The following HDLBP variants were observed in gnomAD, a reference collection of about 807,000 sequenced individuals.
The protein encoded by HDLBP is vigilin.
HDLBP carries 30 observed loss-of-function variants against 137.3 expected under a neutral mutation model. The ratio of observed to expected loss-of-function variants is 0.22; its 90% confidence interval spans 0.16 to 0.30. The LOEUF (loss-of-function observed/expected upper bound fraction) is 0.30, where lower values mean the gene tolerates loss of function less well. Among genes scored for constraint, HDLBP ranks in the 10% least tolerant of loss-of-function variants. The pLI, the probability that HDLBP is intolerant of heterozygous loss-of-function variation, is 1.00. For missense variants in HDLBP, 1,119 were observed against 1,667.3 expected (o/e 0.67, Z 5.73); for synonymous variants, 606 against 596.0 (o/e 1.02, Z -0.24).
rs770255776 is a variant in HDLBP, at chr2:241,248,098, C to G, written c.1636G>C (p.Asp546His). The G allele has an allele frequency of 6.2e-7, 1 of 1,614,030 alleles. No individual in the cohort carries two copies. Reference sequence around the variant, plus strand: ...ACAATGTCACTTTTTTGTGCTGGGTCTGGAAAGTTAATGATGACCTAGAAC... The same window carrying G: ...ACAATGTCACTTTTTTGTGCTGGGTGTGGAAAGTTAATGATGACCTAGAAC... ...KFPEVIINFP[D>H]PAQKSDIVQL... is the part of the protein sequence containing the mutation. The change falls in exon 14 of 28, where the codon GAC (aspartate) becomes CAC (histidine). Residue 546 changes from aspartate to histidine, a missense_variant. By Grantham distance (81) the Asp-to-His change is moderately conservative (BLOSUM62 -1). Around this residue, in one of 4 missense-constraint regions of HDLBP, gnomAD observed 425 missense variants for 693.9 expected, o/e 0.61. Coordinates refer to ENST00000310931, the MANE Select transcript of HDLBP (RefSeq NM_005336.6).
intron 1 of HDLBP, chr2:241,273,372 C>G (rs2074259401): frequency 1.8e-6 from 1 of 550,844 alleles, no homozygotes; most frequent in African/African-American, 2.0e-5. Flanking sequence ...ATGTAAAATC[C>G]CCTTCCTTTA....
intron 1 of HDLBP, among the ~76,000 whole-genome samples, chr2:241,270,702 C>A (rs2073979514): frequency 1.3e-5 from 2 of 152,184 alleles, no homozygotes; most frequent in Admixed American, 1.3e-4. Context: ...CCATGTCCAC[C>A]CCGCACTGCT....
intron 5 of HDLBP, among the ~76,000 whole-genome samples, chr2:241,258,215 C>G (rs1049185060): frequency 6.6e-6 from 1 of 151,982 alleles, no homozygotes; most frequent in Non-Finnish European, 1.5e-5. Context: ...AGCATGGTGG[C>G]AGGCGCCTGT....
intron 1 of HDLBP, among the ~76,000 whole-genome samples, chr2:241,297,247 T>C (rs2075212973): frequency 6.6e-6 from 1 of 151,914 alleles, no homozygotes; most frequent in Non-Finnish European, 1.5e-5. Flanking sequence ...CTGAGTGAGA[T>C]GAGGAGGCAG....
At chr2:241,290,810 C>A (rs905998044) in intron 1 of HDLBP, among the ~76,000 whole-genome samples, 9 of 152,112 alleles carry the variant, frequency 5.9e-5, no homozygotes, top group East Asian at 1.9e-4. Context: ...GTCAGAGCGG[C>A]GGCCTAAGCA....
chr2:241,272,658 G>T lies in HDLBP; in HGVS notation c.-102-4117C>A. On this transcript the variant is annotated intron_variant, in intron 1 of 27. Coordinates refer to ENST00000310931, the MANE Select transcript of HDLBP (RefSeq NM_005336.6). The surrounding 1 kb of genome is among the most constrained non-coding windows in gnomAD (Gnocchi z 5.6). ...GCGGCACCCGGGCCCCTCCCCCTCC[G>T]CGGCCTCCACGTCAGCAGCCACCCC... The T allele has an allele frequency of 1.1e-6, 1 of 896,368 alleles. No individual in the cohort carries two copies. The highest frequency in any genetic ancestry group is 1.3e-6 in the Non-Finnish European group (1 of 771,076). 55.5% of individuals were successfully genotyped at this position (896,368 alleles called of 1,614,324 possible). A position where few individuals can be genotyped will look rare whatever the true frequency, so the allele number is the denominator to read the frequency against.
At position 241,230,718 on chromosome 2, in the gene HDLBP, T is replaced by G; in HGVS notation, c.3474+41A>C. ...CTTCTGGCCAGCCAGGTGCCCCCGG[T>G]GAGAGAGGATTCTCACCCACTGTGC... On this transcript the variant is annotated intron_variant, in intron 25 of 27. Transcript: ENST00000310931. The surrounding 1 kb of genome is among the most constrained non-coding windows in gnomAD (Gnocchi z 5.0). 1.3e-5 allele frequency: 21 copies of G among 1,583,890 alleles called. No individual in the cohort carries two copies. The highest frequency in any genetic ancestry group is 1.8e-5 in the Non-Finnish European group (21 of 1,154,440).
intron 11 of HDLBP, chr2:241,250,849 A>C (rs2072083725): frequency 6.6e-6 from 1 of 152,212 alleles, no homozygotes; most frequent in African/African-American, 2.4e-5. Flanking sequence ...TTACGAAAGA[A>C]GACAAGAGTT....
rs148694594 is a variant in HDLBP at position 241,243,133 on chromosome 2, C to T, written c.1951-455G>A. 5.9e-5 allele frequency among the ~76,000 whole-genome samples: 9 copies of T among 152,248 alleles called. No homozygotes were observed. In the South Asian group the frequency reaches 8.3e-4, roughly 14 times the overall value. ...GTACCAGGGACTGGACTGAACTTACCGCCTAATGGTGACTTTCAAGACCCT... is the reference window on the plus strand; with the variant it reads ...GTACCAGGGACTGGACTGAACTTACTGCCTAATGGTGACTTTCAAGACCCT... On this transcript the variant is annotated intron_variant, in intron 16 of 27. Coordinates refer to ENST00000310931, the MANE Select transcript of HDLBP (RefSeq NM_005336.6).
chr2:241,261,760 C>T (rs1339510704), intron 5 of HDLBP, among the ~76,000 whole-genome samples: 2 of 152,316 alleles, frequency 1.3e-5, no homozygotes, highest in African/African-American at 4.8e-5. Flanking sequence ...TCCCGATGCC[C>T]CCATGTGGTT....
chr2:241,267,846 G>A, intron 2 of HDLBP: 1 of 1,434,710 alleles, frequency 7.0e-7, no homozygotes, highest in Non-Finnish European at 9.1e-7. Context: ...GCACAGCAGG[G>A]GAAACCTGGC....
intron 23 of HDLBP, 110 bp downstream of exon 23, chr2:241,235,011 G>C: frequency 7.4e-7 from 1 of 1,359,168 alleles, no homozygotes; most frequent in Non-Finnish European, 1.0e-6. Context: ...CTCACCTCCA[G>C]CCAGATGTCG....
intron 16 of HDLBP, among the ~76,000 whole-genome samples, chr2:241,244,526 A>C (rs145849385): frequency 7.5e-4 from 114 of 152,354 alleles, no homozygotes; most frequent in African/African-American, 2.5e-3. Flanking sequence ...AGGAGACGGC[A>C]ATGAAGCCAA....
chr2:241,307,601 C>T (rs2075625178), intron 1 of HDLBP, among the ~76,000 whole-genome samples: 1 of 152,170 alleles, frequency 6.6e-6, no homozygotes, highest in African/African-American at 2.4e-5. Context: ...TGGCAACCCC[C>T]CCATGAGGCT....
chr2:241,265,244 C>A (rs897620439), intron 3 of HDLBP, among the ~76,000 whole-genome samples: 3 of 152,162 alleles, frequency 2.0e-5, no homozygotes, highest in Non-Finnish European at 4.4e-5. Flanking sequence ...CATGGAGAAA[C>A]CCTGTCTCTA....
At chr2:241,291,300 G>C (rs1056283878) in intron 1 of HDLBP, among the ~76,000 whole-genome samples, 3 of 152,104 alleles carry the variant, frequency 2.0e-5, no homozygotes, top group Non-Finnish European at 4.4e-5. Context: ...ACTGACTCTA[G>C]GTCTAAGCAG....
chr2:241,228,070 T>C lies in HDLBP; in HGVS notation c.*1531A>G, dbSNP rs1164296165. ...AAGCCGTCTGGGTCTACTCAAGAAT[T>C]CGAGTCTGAAGATGACCAAGCTTGA... On this transcript the variant is annotated 3_prime_UTR_variant, in exon 28 of 28. Transcript: ENST00000310931. 6.6e-6 allele frequency: 1 copy of C among 152,238 alleles called. No homozygotes were observed. The highest frequency in any genetic ancestry group is 2.4e-5 in the African/African-American group (1 of 41,456). 9.4% of individuals were successfully genotyped at this position (152,238 alleles called of 1,614,324 possible).
rs747022047 is a variant in HDLBP, at chr2:241,229,690, G to A, written c.3721-3C>T. 6.2e-6 allele frequency: 10 copies of A among 1,613,910 alleles called. No individual in the cohort carries two copies. Among genetic ancestry groups the A allele is most frequent in the Admixed American group, 3.3e-5 (2 of 60,010 alleles). On this transcript the variant is annotated splice_region_variant and splice_polypyrimidine_tract_variant and intron_variant, in intron 27 of 27. Coordinates refer to ENST00000310931, the MANE Select transcript of HDLBP (RefSeq NM_005336.6). ...TCAGAGCTGCTCATGTCAGGAGCCTGTGCAGAGAGAGGACACGGCTTCAGG... is the reference window on the plus strand; with the variant it reads ...TCAGAGCTGCTCATGTCAGGAGCCTATGCAGAGAGAGGACACGGCTTCAGG...
In HDLBP at chr2:241,238,998, C is replaced by G. The variant is rs2070906866; in HGVS notation, c.2611-211G>C. On this transcript the variant is annotated intron_variant, in intron 19 of 27. Transcript: ENST00000310931. This position sits in a 1 kb window ranked among gnomAD's most constrained non-coding sequence, Gnocchi z 4.9. ...GGGTGGGCCTCCTCTGAAATGTGTCCCAGAAGGCCAGGTGCCATCCCTGGA... is the reference window on the plus strand; with the variant it reads ...GGGTGGGCCTCCTCTGAAATGTGTCGCAGAAGGCCAGGTGCCATCCCTGGA... Among the ~76,000 whole-genome samples the G allele has an allele frequency of 6.6e-6, 1 of 152,126 alleles. No homozygotes were observed.
Sources: gnomAD v4.1 joint callset for allele counts (sites outside exome capture counted in the v4.1 genomes callset) on GRCh38, gnomAD v4.1.1 for gene constraint, gnomAD v4.1.1 regional missense constraint, Gnocchi (gnomAD v3.1) non-coding constraint, MANE v1.5 for transcripts, NCBI Gene and HGNC (gene_info 2026-07-23, HGNC 2026-07-21) for gene names.